Variants in TMEM178B observed in about 807,000 individuals in gnomAD.
TMEM178B encodes the protein transmembrane protein 178B.
Under a neutral mutation model 31.0 loss-of-function variants are expected in TMEM178B, and 5 were observed. The observed-to-expected ratio is 0.16, with a 90% CI of 0.08 to 0.34. The LOEUF (loss-of-function observed/expected upper bound fraction) is 0.34, where lower values mean the gene tolerates loss of function less well. Ranked by LOEUF, TMEM178B falls within the 10% of genes least tolerant of loss-of-function variation. The pLI is 1.00. For missense variants in TMEM178B, 275 were observed against 400.3 expected (o/e 0.69, Z 2.67); for synonymous variants, 164 against 164.0 (o/e 1.00, Z 0.00).
intron 2 of TMEM178B, among the ~76,000 whole-genome samples, chr7:141,285,750 A>G (rs1798438538): frequency 6.6e-6 from 1 of 152,224 alleles, no homozygotes; most frequent in Non-Finnish European, 1.5e-5. Flanking sequence ...ACACCATGGA[A>G]TGCTATACAG....
At chr7:141,465,082 A>G (rs1802126989) in intron 3 of TMEM178B, among the ~76,000 whole-genome samples, 1 of 152,222 alleles carries the variant, frequency 6.6e-6, no homozygotes, top group Non-Finnish European at 1.5e-5. Flanking sequence ...TGTATCAATA[A>G]ATGCTTATGT....
chr7:141,431,557 T>C (rs534213365), intron 2 of TMEM178B, among the ~76,000 whole-genome samples: 6 of 152,276 alleles, frequency 3.9e-5, no homozygotes, highest in Non-Finnish European at 8.8e-5. Flanking sequence ...TGTTAAACAT[T>C]AGGGTCATGG....
chr7:141,463,867 C>T lies in TMEM178B; in HGVS notation c.635-6669C>T, dbSNP rs149691782. On this transcript the variant is annotated intron_variant, in intron 3 of 3. Coordinates refer to ENST00000565468, the MANE Select transcript of TMEM178B (RefSeq NM_001195278.2). The stretch of plus-strand genomic sequence containing the variant: ...GGATGCACTCAGGTAAGGCCAGACG[C>T]GCAGGATACAGGAATACAGGCATTT... Among the ~76,000 whole-genome samples the T allele has an allele frequency of 2.8e-4, 43 of 152,226 alleles. No homozygotes were observed. The East Asian group carries it at 5.4e-3, about 19-fold the overall frequency.
At chr7:141,267,968 G>A (rs115820473) in intron 2 of TMEM178B, among the ~76,000 whole-genome samples, 2,390 of 152,298 alleles carry the variant, frequency 0.016, 60 homozygotes, top group African/African-American at 0.055. Flanking sequence ...AAAGAGGCAC[G>A]AGCCTGATTC....
intron 3 of TMEM178B, among the ~76,000 whole-genome samples, chr7:141,447,136 A>G (rs1352464149): frequency 6.6e-6 from 1 of 152,162 alleles, no homozygotes; most frequent in African/African-American, 2.4e-5. Context: ...CAGGAAGCTT[A>G]CGTTCAAGTT....
intron 2 of TMEM178B, among the ~76,000 whole-genome samples, chr7:141,327,679 G>A (rs1470725294): frequency 1.3e-5 from 2 of 152,126 alleles, no homozygotes; most frequent in Admixed American, 1.3e-4. Context: ...TTGGGAGGTA[G>A]GACTTTCAAG....
intron 1 of TMEM178B, among the ~76,000 whole-genome samples, chr7:141,209,785 A>C (rs1305450685): frequency 3.9e-5 from 6 of 152,212 alleles, no homozygotes; most frequent in Non-Finnish European, 8.8e-5. Flanking sequence ...GCCATCTCTT[A>C]GGATGAGTAG....
intron 3 of TMEM178B, among the ~76,000 whole-genome samples, chr7:141,447,137 C>T (rs1181761): frequency 0.79 from 119,877 of 152,042 alleles, 47,483 homozygotes; most frequent in Middle Eastern, 0.84. Context: ...AGGAAGCTTA[C>T]GTTCAAGTTG....
chr7:141,489,185 C>T, the TMEM178B span, among the ~76,000 whole-genome samples: 1 of 152,166 alleles, frequency 6.6e-6, no homozygotes, highest in South Asian at 2.1e-4. Flanking sequence ...TTCATCCTTC[C>T]ATCTCTTATC....
chr7:141,251,140 ACTC>A, intron 2 of TMEM178B, among the ~76,000 whole-genome samples: 2 of 151,670 alleles, frequency 1.3e-5, no homozygotes, highest in South Asian at 4.2e-4. Flanking sequence ...GAGTGAGAGA[ACTC>A]CTTCATCTCA....
chr7:141,102,948 G>A (rs1795082460), intron 1 of TMEM178B, among the ~76,000 whole-genome samples: 2 of 152,172 alleles, frequency 1.3e-5, no homozygotes, highest in South Asian at 2.1e-4. Flanking sequence ...GCTAAGGCGG[G>A]TGGAGCCAGG....
At chr7:141,131,923 C>A (rs1446072951) in intron 1 of TMEM178B, among the ~76,000 whole-genome samples, 1 of 152,104 alleles carries the variant, frequency 6.6e-6, no homozygotes, top group Non-Finnish European at 1.5e-5. Flanking sequence ...AGGAAAGTTG[C>A]AGATGCTCTG....
rs577177317 is a variant in TMEM178B at position 141,265,280 on chromosome 7, G to C, written c.496+52576G>C. Among the ~76,000 whole-genome samples the C allele has an allele frequency of 6.3e-4, 96 of 152,268 alleles. 1 individual carries two copies. In the South Asian group the frequency reaches 0.017, roughly 27 times the overall value. ...GGCTGGGTGCACCAAGAGCCTCAGT[G>C]GTGAAAGGCTTTGAATGGGGCCATG... On this transcript the variant is annotated intron_variant, in intron 2 of 3. Coordinates refer to ENST00000565468, the MANE Select transcript of TMEM178B (RefSeq NM_001195278.2).
chr7:141,315,328 C>G (rs749180541), intron 2 of TMEM178B, among the ~76,000 whole-genome samples: 1 of 152,164 alleles, frequency 6.6e-6, no homozygotes, highest in African/African-American at 2.4e-5. Flanking sequence ...CTACCATTTT[C>G]GGGCCATCAT....
intron 2 of TMEM178B, among the ~76,000 whole-genome samples, chr7:141,378,523 G>A (rs570651159): frequency 6.6e-6 from 1 of 152,256 alleles, no homozygotes; most frequent in South Asian, 2.1e-4. Context: ...AAGAGGCATT[G>A]CCTGGTTAAC....
intron 3 of TMEM178B, among the ~76,000 whole-genome samples, chr7:141,466,999 G>C (rs1190427707): frequency 1.3e-5 from 2 of 151,974 alleles, no homozygotes; most frequent in Non-Finnish European, 2.9e-5. Flanking sequence ...TCTTGCCTTG[G>C]CTGTGTCCTA....
At chr7:141,322,198 G>A (rs1799111578) in intron 2 of TMEM178B, among the ~76,000 whole-genome samples, 1 of 151,992 alleles carries the variant, frequency 6.6e-6, no homozygotes, top group Admixed American at 6.6e-5. Flanking sequence ...CAATGCCGAG[G>A]AGTATAACTT....
intron 1 of TMEM178B, among the ~76,000 whole-genome samples, chr7:141,137,592 G>A (rs1765481300): frequency 6.6e-6 from 1 of 152,156 alleles, no homozygotes. Flanking sequence ...GGCTGGCTAA[G>A]TTCTAGTGTT....
chr7:141,143,178 C>T (rs1795801357), intron 1 of TMEM178B, among the ~76,000 whole-genome samples: 1 of 151,980 alleles, frequency 6.6e-6, no homozygotes, highest in African/African-American at 2.4e-5. Flanking sequence ...TTGTTTACAC[C>T]GTTGATAGTT....
Sources: gnomAD v4.1 joint callset for allele counts (sites outside exome capture counted in the v4.1 genomes callset) on GRCh38, gnomAD v4.1.1 for gene constraint, MANE v1.5 for transcripts, NCBI Gene and HGNC (gene_info 2026-07-23, HGNC 2026-07-21) for gene names.